The following BICC1 variants were observed in gnomAD, a reference collection of about 807,000 sequenced individuals.
BICC1 encodes BicC family RNA binding protein 1.
Under a neutral mutation model 111.0 loss-of-function variants are expected in BICC1, and 43 were observed. The observed-to-expected ratio is 0.39, with a 90% CI of 0.30 to 0.50. BICC1 has a LOEUF of 0.50. Among genes scored for constraint, BICC1 ranks in the 20% least tolerant of loss-of-function variants. BICC1 has a pLI of 0.88. For missense variants in BICC1, 1,091 were observed against 1,203.2 expected (o/e 0.91, Z 1.38); for synonymous variants, 467 against 434.4 (o/e 1.07, Z -0.93).
chr10:58,527,698 G>A (rs1167483901), intron 1 of BICC1, among the ~76,000 whole-genome samples: 9 of 152,032 alleles, frequency 5.9e-5, no homozygotes, highest in Admixed American at 2.0e-4. Context: ...CCCATTTCTT[G>A]TTTTTGCCAG....
chr10:58,771,024 A>G (rs1323989522), intron 3 of BICC1, among the ~76,000 whole-genome samples: 2 of 152,240 alleles, frequency 1.3e-5, no homozygotes, highest in African/African-American at 2.4e-5. Flanking sequence ...CTTACTTACT[A>G]TGATTTAATC....
At chr10:58,798,376 CTT>C in intron 10 of BICC1, 21 bp from the exon 11 acceptor site, 1 of 1,525,244 alleles carries the variant, frequency 6.6e-7, no homozygotes, top group Non-Finnish European at 8.8e-7. Flanking sequence ...TGTGAATTGA[CTT>C]TATATATTCA....
chr10:58,643,446 C>A (rs1184775855), intron 2 of BICC1, among the ~76,000 whole-genome samples: 1 of 152,210 alleles, frequency 6.6e-6, no homozygotes. Flanking sequence ...TCAGAGAAAT[C>A]TTTTAGCTAC....
At chr10:58,569,464 C>T (rs1010473952) in intron 1 of BICC1, among the ~76,000 whole-genome samples, 2 of 152,116 alleles carry the variant, frequency 1.3e-5, no homozygotes, top group African/African-American at 2.4e-5. Flanking sequence ...CTTAGGTATA[C>T]ACATGACATG....
At chr10:58,748,967 A>G (rs560371413) in intron 3 of BICC1, among the ~76,000 whole-genome samples, 1 of 152,266 alleles carries the variant, frequency 6.6e-6, no homozygotes, top group East Asian at 1.9e-4. Flanking sequence ...GAGCTTGCCT[A>G]GGAAGATTCC....
chr10:58,810,044 A>C (rs1843851292), intron 17 of BICC1, among the ~76,000 whole-genome samples: 1 of 152,164 alleles, frequency 6.6e-6, no homozygotes, highest in African/African-American at 2.4e-5. Flanking sequence ...CCAGGTATCT[A>C]TTTGTGTTTT....
chr10:58,720,353 A>T (rs1271099973), intron 3 of BICC1, among the ~76,000 whole-genome samples: 1 of 152,182 alleles, frequency 6.6e-6, no homozygotes, highest in Admixed American at 6.5e-5. Context: ...TGTTGGAGTA[A>T]TTTAAGAAAG....
chr10:58,601,622 G>T (rs1266940980), intron 1 of BICC1, among the ~76,000 whole-genome samples: 1 of 151,848 alleles, frequency 6.6e-6, no homozygotes, highest in African/African-American at 2.4e-5. Context: ...TCAAGTACAT[G>T]GAAACTATAG....
intron 1 of BICC1, among the ~76,000 whole-genome samples, chr10:58,528,803 A>T (rs1842610428): frequency 6.6e-6 from 1 of 151,956 alleles, no homozygotes; most frequent in Non-Finnish European, 1.5e-5. Context: ...CACAGTAAAC[A>T]ATACAAACCC....
chr10:58,811,205 A>C (rs1234610723), intron 17 of BICC1, among the ~76,000 whole-genome samples: 3 of 152,220 alleles, frequency 2.0e-5, no homozygotes, highest in Non-Finnish European at 4.4e-5. Context: ...TTTGACCTGC[A>C]GTAACTGTGT....
chr10:58,799,946 G>T (rs1843486911), intron 12 of BICC1, among the ~76,000 whole-genome samples: 1 of 152,078 alleles, frequency 6.6e-6, no homozygotes, highest in South Asian at 2.1e-4. Flanking sequence ...TGGGCAGTAT[G>T]GCCAGTTTAA....
chr10:58,522,691 A>G (rs576926843), intron 1 of BICC1, among the ~76,000 whole-genome samples: 2 of 152,304 alleles, frequency 1.3e-5, no homozygotes, highest in South Asian at 2.1e-4. Flanking sequence ...GAAGGCAAGA[A>G]ATAGCTAAGA....
chr10:58,632,863 A>G (rs1485067985), intron 2 of BICC1, among the ~76,000 whole-genome samples: 1 of 144,936 alleles, frequency 6.9e-6, no homozygotes. Flanking sequence ...AGATAGATGG[A>G]TAGATAGATA....
intron 2 of BICC1, among the ~76,000 whole-genome samples, chr10:58,654,682 T>C (rs1310312700): frequency 3.2e-5 from 1 of 31,594 alleles, no homozygotes; most frequent in Non-Finnish European, 8.8e-5. Context: ...AGCTCTTTAG[T>C]TTAATTAGAT....
At chr10:58,570,880 G>A (rs971669551) in intron 1 of BICC1, among the ~76,000 whole-genome samples, 1 of 152,154 alleles carries the variant, frequency 6.6e-6, no homozygotes, top group Non-Finnish European at 1.5e-5. Context: ...GTAGTTTAGG[G>A]TGAATGTTTT....
chr10:58,785,391 T>C lies in BICC1; in HGVS notation c.387+311T>C, dbSNP rs79744401. On this transcript the variant is annotated intron_variant, in intron 4 of 20. Coordinates refer to ENST00000373886, the MANE Select transcript of BICC1 (RefSeq NM_001080512.3). ...TGTACATATATACCATCTTCAGAAA[T>C]AGAAATTGGCCCTGATTAATATAGG... 7.0e-3 allele frequency among the ~76,000 whole-genome samples: 1,061 copies of C among 152,128 alleles called. 14 individuals are homozygous for C. Among genetic ancestry groups the C allele is most frequent in the African/African-American group, 0.024 (998 of 41,490 alleles).
intron 18 of BICC1, among the ~76,000 whole-genome samples, chr10:58,814,862 C>T (rs1844037971): frequency 6.6e-6 from 1 of 151,946 alleles, no homozygotes; most frequent in Admixed American, 6.6e-5. Flanking sequence ...GAAAGACTGT[C>T]CAGCGGGTGG....
At chr10:58,786,305 A>G (rs1000207973) in intron 4 of BICC1, among the ~76,000 whole-genome samples, 1 of 152,100 alleles carries the variant, frequency 6.6e-6, no homozygotes, top group Admixed American at 6.6e-5. Context: ...AATATAACTA[A>G]TGTACTTTGA....
chr10:58,809,431 G>A (rs529330230), intron 17 of BICC1, among the ~76,000 whole-genome samples: 2 of 151,982 alleles, frequency 1.3e-5, no homozygotes, highest in Admixed American at 6.5e-5. Flanking sequence ...GTAGAGTCGT[G>A]GTTTCACCAT....
Sources: allele counts gnomAD v4.1 joint callset (sites outside exome capture counted in the v4.1 genomes callset), GRCh38; gene constraint gnomAD v4.1.1; transcripts MANE v1.5; gene names NCBI Gene and HGNC (gene_info 2026-07-23, HGNC 2026-07-21).